Variants in IQCM observed in about 807,000 individuals in gnomAD.
IQCM encodes IQ domain-containing protein M.
IQCM carries 45 observed loss-of-function variants against 57.6 expected under a neutral mutation model. The observed-to-expected ratio is 0.78, with a 90% confidence interval of 0.62 to 1.00. IQCM has a LOEUF of 1.00. Ranked by LOEUF, IQCM falls within the 50% of genes least tolerant of loss-of-function variation. IQCM has a pLI of 0.00. For synonymous variants in IQCM, 148 were observed against 158.9 expected (o/e 0.93, Z 0.51); for missense variants, 468 against 511.6 (o/e 0.91, Z 0.82).
At chr4:149,404,833 C>T (rs999207399) in intron 13 of IQCM, among the ~76,000 whole-genome samples, 4 of 151,768 alleles carry the variant, frequency 2.6e-5, no homozygotes, top group Non-Finnish European at 4.4e-5. Context: ...ATGAATTAAC[C>T]GGTTAATAAC....
chr4:149,465,730 G>GA (rs373916936), intron 12 of IQCM, among the ~76,000 whole-genome samples: 6 of 145,682 alleles, frequency 4.1e-5, no homozygotes, highest in East Asian at 2.0e-4. Context: ...CTTCAAGAAG[G>GA]AAAAAAAAAA....
chr4:149,554,875 G>T (rs995146672), intron 10 of IQCM, among the ~76,000 whole-genome samples: 1 of 147,026 alleles, frequency 6.8e-6, no homozygotes, highest in African/African-American at 2.5e-5. Flanking sequence ...AATTTTTTGT[G>T]TTTTTAGTAG....
intron 12 of IQCM, among the ~76,000 whole-genome samples, chr4:149,461,029 G>A (rs902522836): frequency 4.6e-5 from 7 of 152,082 alleles, no homozygotes; most frequent in Admixed American, 1.3e-4. Context: ...GAGATCGGGA[G>A]TTCGAGACCA....
At chr4:149,540,279 A>G (rs1259021178) in intron 12 of IQCM, among the ~76,000 whole-genome samples, 2 of 149,916 alleles carry the variant, frequency 1.3e-5, no homozygotes, top group African/African-American at 2.5e-5. Flanking sequence ...TCATAGAACT[A>G]CAAGACACTA....
At chr4:149,813,340 CT>C (rs201385675) in intron 2 of IQCM, among the ~76,000 whole-genome samples, 3,351 of 151,760 alleles carry the variant, frequency 0.022, 60 homozygotes, top group South Asian at 0.035. Flanking sequence ...TCTAATGCAT[CT>C]TTTTTTTAAA....
chr4:149,473,037 C>G (rs1739759612), intron 12 of IQCM, among the ~76,000 whole-genome samples: 1 of 152,134 alleles, frequency 6.6e-6, no homozygotes, highest in Non-Finnish European at 1.5e-5. Flanking sequence ...AAAACCTACG[C>G]AATACCATTC....
chr4:149,461,469 A>G (rs1160126610), intron 12 of IQCM, among the ~76,000 whole-genome samples: 2 of 152,000 alleles, frequency 1.3e-5, no homozygotes, highest in Non-Finnish European at 2.9e-5. Context: ...ACATGACTAC[A>G]TGGTGAAACC....
chr4:149,540,403 A>G (rs1163688181), intron 12 of IQCM, among the ~76,000 whole-genome samples: 1 of 151,438 alleles, frequency 6.6e-6, no homozygotes, highest in Non-Finnish European at 1.5e-5. Context: ...CTAACAGACA[A>G]TAGACTTCAT....
At chr4:149,504,510 C>T (rs761060006) in intron 12 of IQCM, among the ~76,000 whole-genome samples, 28 of 151,112 alleles carry the variant, frequency 1.9e-4, no homozygotes, top group Non-Finnish European at 3.5e-4. Flanking sequence ...GTGACAAATT[C>T]ATATGTTGAA....
chr4:149,393,970 TA>T (rs1732043678), intron 13 of IQCM, among the ~76,000 whole-genome samples: 1 of 151,832 alleles, frequency 6.6e-6, no homozygotes, highest in Non-Finnish European at 1.5e-5. Flanking sequence ...GATAAAACAA[TA>T]AGCAGGGTGG....
At chr4:149,797,111 C>T (rs1773180915) in intron 2 of IQCM, among the ~76,000 whole-genome samples, 1 of 152,014 alleles carries the variant, frequency 6.6e-6, no homozygotes, top group African/African-American at 2.4e-5. Flanking sequence ...AGATAGGTGA[C>T]CTTTCAGACA....
intron 2 of IQCM, among the ~76,000 whole-genome samples, chr4:149,743,457 A>G (rs1389442531): frequency 6.6e-6 from 1 of 150,528 alleles, no homozygotes; most frequent in East Asian, 2.0e-4. Context: ...GATATATACT[A>G]TATATCTATA....
At chr4:149,736,383 TC>T (rs1460986570) in intron 3 of IQCM, among the ~76,000 whole-genome samples, 5 of 152,348 alleles carry the variant, frequency 3.3e-5, no homozygotes, top group African/African-American at 1.2e-4. Flanking sequence ...TGTGCTTGCT[TC>T]AGCAGCACAA....
At chr4:149,775,574 G>A (rs1193120015) in intron 2 of IQCM, among the ~76,000 whole-genome samples, 1 of 151,554 alleles carries the variant, frequency 6.6e-6, no homozygotes, top group Non-Finnish European at 1.5e-5. Context: ...ACTTGGTATT[G>A]CACAGGGCTT....
At chr4:149,407,477 C>G (rs943222507) in intron 13 of IQCM, among the ~76,000 whole-genome samples, 1 of 152,040 alleles carries the variant, frequency 6.6e-6, no homozygotes, top group African/African-American at 2.4e-5. Flanking sequence ...CCCCTGGTGC[C>G]CCACCATTTG....
At chr4:149,684,681 A>T (rs189581626) in intron 6 of IQCM, among the ~76,000 whole-genome samples, 12 of 151,544 alleles carry the variant, frequency 7.9e-5, no homozygotes, top group Admixed American at 2.6e-4. Flanking sequence ...ATTTCAAAAA[A>T]AATTTTTGCC....
intron 13 of IQCM, 71 bp downstream of exon 13, chr4:149,433,325 T>A: frequency 1.5e-6 from 1 of 656,698 alleles, no homozygotes; most frequent in Non-Finnish European, 2.2e-6. Flanking sequence ...AAGTGATGAA[T>A]ACAGTTATAT....
intron 13 of IQCM, among the ~76,000 whole-genome samples, chr4:149,419,683 C>T (rs1424346495): frequency 6.6e-6 from 1 of 152,064 alleles, no homozygotes; most frequent in Non-Finnish European, 1.5e-5. Context: ...GCAAAAGAAA[C>T]TATCATCAGG....
At chr4:149,589,050 A>T (rs1230454222) in intron 8 of IQCM, among the ~76,000 whole-genome samples, 1 of 151,906 alleles carries the variant, frequency 6.6e-6, no homozygotes, top group Non-Finnish European at 1.5e-5. Flanking sequence ...CCCCAGAAAA[A>T]CTGGGCCATT....
Sources: gnomAD v4.1 joint callset for allele counts (sites outside exome capture counted in the v4.1 genomes callset) on GRCh38, gnomAD v4.1.1 for gene constraint, MANE v1.5 for transcripts, NCBI Gene and HGNC (gene_info 2026-07-23, HGNC 2026-07-21) for gene names.